PDZRN4: variants seen among roughly 807,000 people sequenced by gnomAD.
PDZRN4 encodes PDZ domain containing ring finger 4.
PDZRN4 carries 70 observed loss-of-function variants against 99.0 expected under a neutral mutation model. The ratio of observed to expected loss-of-function variants is 0.71; its 90% confidence interval spans 0.58 to 0.86. The LOEUF (loss-of-function observed/expected upper bound fraction) is 0.86. Among genes scored for constraint, PDZRN4 ranks in the 40% least tolerant of loss-of-function variants. The pLI is 0.00. For synonymous variants in PDZRN4, 551 were observed against 501.6 expected (o/e 1.10, Z -1.32); for missense variants, 1,474 against 1,331.2 (o/e 1.11, Z -1.67).
At chr12:41,207,998 T>G (rs1950862797) in intron 3 of PDZRN4, among the ~76,000 whole-genome samples, 1 of 151,862 alleles carries the variant, frequency 6.6e-6, no homozygotes, top group Admixed American at 6.6e-5. Flanking sequence ...TGTGTTTTCT[T>G]ATGGCACTTG....
At chr12:41,549,538 A>T (rs1268746799) in intron 5 of PDZRN4, among the ~76,000 whole-genome samples, 2 of 152,154 alleles carry the variant, frequency 1.3e-5, no homozygotes, top group Non-Finnish European at 2.9e-5. Flanking sequence ...ATACAACTTC[A>T]CACTTGGGAC....
intron 3 of PDZRN4, among the ~76,000 whole-genome samples, chr12:41,414,543 G>A (rs1434560955): frequency 6.6e-6 from 1 of 150,542 alleles, no homozygotes; most frequent in Non-Finnish European, 1.5e-5. Context: ...CTTTATTTTT[G>A]TCTGAAAAAA....
At chr12:41,570,296 TCA>T (rs1939450976) in intron 9 of PDZRN4, among the ~76,000 whole-genome samples, 1 of 152,232 alleles carries the variant, frequency 6.6e-6, no homozygotes, top group African/African-American at 2.4e-5. Flanking sequence ...ACATTGCCTG[TCA>T]CTATAATAAT....
At chr12:41,220,142 C>T (rs1215871026) in intron 3 of PDZRN4, among the ~76,000 whole-genome samples, 3 of 152,124 alleles carry the variant, frequency 2.0e-5, no homozygotes, top group Non-Finnish European at 1.5e-5. Context: ...CTAGGGCTGC[C>T]ATAACAAAGT....
chr12:41,456,798 A>T (rs1952820148), intron 3 of PDZRN4, among the ~76,000 whole-genome samples: 1 of 152,226 alleles, frequency 6.6e-6, no homozygotes, highest in South Asian at 2.1e-4. Context: ...TTAATACAGA[A>T]ATGAGGAGAT....
At chr12:41,213,273 G>T (rs1375942508) in intron 3 of PDZRN4, among the ~76,000 whole-genome samples, 2 of 152,030 alleles carry the variant, frequency 1.3e-5, no homozygotes, top group Non-Finnish European at 2.9e-5. Flanking sequence ...GAAGTGGGAG[G>T]CTGGCTAGTC....
At chr12:41,327,331 C>A (rs955391873) in intron 3 of PDZRN4, among the ~76,000 whole-genome samples, 1 of 152,208 alleles carries the variant, frequency 6.6e-6, no homozygotes, top group South Asian at 2.1e-4. Context: ...AGTGCTAAAG[C>A]ACAAGCCTCT....
intron 3 of PDZRN4, among the ~76,000 whole-genome samples, chr12:41,457,501 A>G (rs1318072846): frequency 6.6e-6 from 1 of 152,212 alleles, no homozygotes; most frequent in Non-Finnish European, 1.5e-5. Flanking sequence ...TTGAAGCTTC[A>G]TAACAAACTT....
At chr12:41,311,056 C>T (rs1037908510) in intron 3 of PDZRN4, among the ~76,000 whole-genome samples, 32 of 152,186 alleles carry the variant, frequency 2.1e-4, no homozygotes, top group Admixed American at 1.8e-3. Context: ...ATCTGCAAAA[C>T]TCTTATTACA....
At chr12:41,407,272 C>T (rs1271368336) in intron 3 of PDZRN4, among the ~76,000 whole-genome samples, 1 of 152,238 alleles carries the variant, frequency 6.6e-6, no homozygotes, top group Non-Finnish European at 1.5e-5. Context: ...AGCAAGAAAA[C>T]CCTTCCTTTC....
chr12:41,209,886 G>T (rs1194830735), intron 3 of PDZRN4, among the ~76,000 whole-genome samples: 2 of 148,146 alleles, frequency 1.4e-5, no homozygotes, highest in Non-Finnish European at 3.0e-5. Flanking sequence ...TGGGTCAAAT[G>T]GTATTTCTTG....
At chr12:41,268,342 C>T (rs1420978640) in intron 3 of PDZRN4, among the ~76,000 whole-genome samples, 2 of 152,154 alleles carry the variant, frequency 1.3e-5, no homozygotes, top group African/African-American at 4.8e-5. Flanking sequence ...TGTTGCCTCA[C>T]ATGGGCAGGA....
At chr12:41,202,915 A>G (rs1320741466) in intron 3 of PDZRN4, among the ~76,000 whole-genome samples, 1 of 152,056 alleles carries the variant, frequency 6.6e-6, no homozygotes, top group African/African-American at 2.4e-5. Flanking sequence ...TGTTATTTGT[A>G]TGTAAAATTA....
chr12:41,425,000 A>G (rs11180913), intron 3 of PDZRN4, among the ~76,000 whole-genome samples: 5,096 of 152,258 alleles, frequency 0.033, 235 homozygotes, highest in African/African-American at 0.1. Flanking sequence ...GTCAGTTGAT[A>G]TACCACAAAG....
At chr12:41,335,194 G>T (rs1335354445) in intron 3 of PDZRN4, among the ~76,000 whole-genome samples, 2 of 151,918 alleles carry the variant, frequency 1.3e-5, no homozygotes, top group Non-Finnish European at 2.9e-5. Context: ...CAAAGTGTTT[G>T]AAACAGAACT....
At chr12:41,460,120 C>A in intron 3 of PDZRN4, 2 of 1,249,568 alleles carry the variant, frequency 1.6e-6, no homozygotes, top group Non-Finnish European at 2.1e-6. Flanking sequence ...ATAAACATAG[C>A]CTGCCTACCA....
chr12:41,445,011 G>T (rs1290278997), intron 3 of PDZRN4, among the ~76,000 whole-genome samples: 1 of 151,708 alleles, frequency 6.6e-6, no homozygotes, highest in African/African-American at 2.4e-5. Flanking sequence ...ATCATAGAAA[G>T]ATCAAAATAT....
At chr12:41,389,386 G>T (rs546059306) in intron 3 of PDZRN4, among the ~76,000 whole-genome samples, 2 of 152,224 alleles carry the variant, frequency 1.3e-5, no homozygotes, top group Admixed American at 1.3e-4. Context: ...TGTAACAAAA[G>T]ATGATCTGCA....
intron 3 of PDZRN4, among the ~76,000 whole-genome samples, chr12:41,212,364 A>AT (rs1950894068): frequency 1.3e-5 from 2 of 151,764 alleles, no homozygotes; most frequent in African/African-American, 4.8e-5. Flanking sequence ...TCAGAGGTAG[A>AT]TTTTTTTCCC....
Sources: gnomAD v4.1 joint callset for allele counts (sites outside exome capture counted in the v4.1 genomes callset) on GRCh38, gnomAD v4.1.1 for gene constraint, MANE v1.5 for transcripts, NCBI Gene and HGNC (gene_info 2026-07-23, HGNC 2026-07-21) for gene names.